Variants in GPATCH2 observed in about 807,000 individuals in gnomAD.
GPATCH2 encodes the protein G-patch domain containing 2, also known as G patch domain-containing protein 2.
A neutral mutation model predicts 58.0 loss-of-function variants in GPATCH2; 51 were observed. The ratio of observed to expected loss-of-function variants is 0.88; its 90% CI spans 0.70 to 1.11. The LOEUF is 1.11. Ranked by LOEUF, GPATCH2 falls within the 50% of genes most tolerant of loss-of-function variation. GPATCH2 has a pLI of 0.00. For missense variants in GPATCH2, 625 were observed against 652.2 expected (o/e 0.96, Z 0.45); for synonymous variants, 222 against 218.5 (o/e 1.02, Z -0.14).
At chr1:217,515,846 G>A in intron 5 of GPATCH2, among the ~76,000 whole-genome samples, 1 of 149,428 alleles carries the variant, frequency 6.7e-6, no homozygotes, top group East Asian at 2.0e-4. Context: ...TATTTCCGAG[G>A]ACCAATGTAT....
chr1:217,589,629 A>G (rs566338032), intron 5 of GPATCH2, among the ~76,000 whole-genome samples: 1 of 152,296 alleles, frequency 6.6e-6, no homozygotes, highest in Admixed American at 6.5e-5. Flanking sequence ...AATGGCTCCT[A>G]ACACATTGGA....
chr1:217,619,715 A>T, intron 2 of GPATCH2, 68 bp downstream of exon 2: 1 of 559,070 alleles, frequency 1.8e-6, no homozygotes, highest in Non-Finnish European at 3.0e-6. Flanking sequence ...GAATTAATTA[A>T]AATATAAAAC....
chr1:217,627,313 G>A (rs1426478589), intron 1 of GPATCH2, among the ~76,000 whole-genome samples: 1 of 151,954 alleles, frequency 6.6e-6, no homozygotes, highest in Non-Finnish European at 1.5e-5. Flanking sequence ...GGGTATTATA[G>A]TTAAAGGCCT....
At chr1:217,543,586 G>A (rs1303402340) in intron 5 of GPATCH2, among the ~76,000 whole-genome samples, 4 of 151,964 alleles carry the variant, frequency 2.6e-5, no homozygotes, top group Non-Finnish European at 4.4e-5. Flanking sequence ...TTTTAAATCT[G>A]CTCCATGCCT....
chr1:217,475,972 C>G (rs376883961), intron 8 of GPATCH2, among the ~76,000 whole-genome samples: 42 of 151,836 alleles, frequency 2.8e-4, no homozygotes, highest in Non-Finnish European at 1.3e-4. Flanking sequence ...AGAAAGCAAA[C>G]AGTCCAGAAC....
At chr1:217,458,192 T>C (rs1056167602) in intron 8 of GPATCH2, among the ~76,000 whole-genome samples, 1 of 152,190 alleles carries the variant, frequency 6.6e-6, no homozygotes, top group Non-Finnish European at 1.5e-5. Flanking sequence ...ATCGCGCCAC[T>C]GCACTCCTGC....
At chr1:217,552,897 G>A (rs1054553114) in intron 5 of GPATCH2, among the ~76,000 whole-genome samples, 1 of 152,108 alleles carries the variant, frequency 6.6e-6, no homozygotes, top group South Asian at 2.1e-4. Context: ...AAGTGAACCT[G>A]CATTTTGGAG....
At chr1:217,526,893 T>C (rs1393285137) in intron 5 of GPATCH2, among the ~76,000 whole-genome samples, 2 of 152,114 alleles carry the variant, frequency 1.3e-5, no homozygotes, top group Admixed American at 1.3e-4. Flanking sequence ...GTGATCCCAA[T>C]TGTGAATTGT....
chr1:217,529,246 C>A (rs1409288795), intron 5 of GPATCH2, among the ~76,000 whole-genome samples: 1 of 152,068 alleles, frequency 6.6e-6, no homozygotes, highest in African/African-American at 2.4e-5. Flanking sequence ...CACTTCCTGC[C>A]ATGGTTTGGA....
intron 8 of GPATCH2, among the ~76,000 whole-genome samples, chr1:217,454,294 A>C (rs1255950126): frequency 6.6e-6 from 1 of 152,150 alleles, no homozygotes; most frequent in Non-Finnish European, 1.5e-5. Context: ...ATTGAATTAA[A>C]TCCTTGTTTT....
chr1:217,510,623 T>A (rs1287370134), intron 6 of GPATCH2, among the ~76,000 whole-genome samples: 1 of 152,112 alleles, frequency 6.6e-6, no homozygotes, highest in African/African-American at 2.4e-5. Flanking sequence ...ATCACCATCT[T>A]TTAATTTTAT....
intron 5 of GPATCH2, among the ~76,000 whole-genome samples, chr1:217,547,451 C>T (rs940934096): frequency 2.6e-5 from 4 of 152,004 alleles, no homozygotes; most frequent in East Asian, 1.9e-4. Flanking sequence ...AACCATTGTG[C>T]GAGATAGTGT....
intron 5 of GPATCH2, among the ~76,000 whole-genome samples, chr1:217,578,488 G>A (rs1666912594): frequency 6.6e-6 from 1 of 152,148 alleles, no homozygotes; most frequent in Admixed American, 6.5e-5. Context: ...CTGGATTCAA[G>A]CAATTCTCCC....
chr1:217,469,451 T>C (rs778686872), intron 8 of GPATCH2, among the ~76,000 whole-genome samples: 1 of 152,016 alleles, frequency 6.6e-6, no homozygotes, highest in Non-Finnish European at 1.5e-5. Context: ...TAAGGAATGA[T>C]GAAAAACAAT....
intron 2 of GPATCH2, among the ~76,000 whole-genome samples, chr1:217,615,599 A>C (rs528617939): frequency 2.1e-4 from 32 of 152,126 alleles, no homozygotes; most frequent in Non-Finnish European, 4.4e-4. Flanking sequence ...GAAGGGTCTC[A>C]TATACACCTC....
At chr1:217,532,574 C>T (rs1263277612) in intron 5 of GPATCH2, among the ~76,000 whole-genome samples, 5 of 152,024 alleles carry the variant, frequency 3.3e-5, no homozygotes, top group Admixed American at 2.0e-4. Flanking sequence ...AACAAACAGA[C>T]AAGAACACTA....
In GPATCH2 at chr1:217,491,701, C is replaced by A; in HGVS notation, c.1256G>T (p.Cys419Phe). 4 of 1,519,962 alleles carry A rather than the reference C, an allele frequency of 2.6e-6. No individual in the cohort carries two copies. The highest frequency in any genetic ancestry group is 3.6e-6 in the Non-Finnish European group (4 of 1,104,780). 94.2% of individuals were successfully genotyped at this position (1,519,962 alleles called of 1,614,324 possible). ...TTACCTGCTGGCTGTTCTCACAGAA[C>A]AATTTTTCTTGTGTCCTCTTTCAGC... is the stretch of plus-strand genomic sequence containing the variant. ...NRAERGHKKN[C>F]SVRTASRQTS... is the part of the protein sequence containing the mutation. Residue 419 changes from cysteine (C) to phenylalanine (F), a missense_variant, in exon 8 of 10, where the codon TGT (cysteine) becomes TTT (phenylalanine). Physicochemically the swap from Cys to Phe is radical, Grantham distance 205. Transcript: ENST00000366935.
intron 8 of GPATCH2, among the ~76,000 whole-genome samples, chr1:217,474,412 G>A (rs1452543233): frequency 1.3e-5 from 2 of 152,146 alleles, no homozygotes; most frequent in African/African-American, 2.4e-5. Flanking sequence ...AAGTTAAAGA[G>A]CCTAGATGAA....
rs905108801 is a variant in GPATCH2 at position 217,431,075 on chromosome 1, G to C, written c.*70C>G. On this transcript the variant is annotated 3_prime_UTR_variant, in exon 10 of 10. Coordinates refer to ENST00000366935, the MANE Select transcript of GPATCH2 (RefSeq NM_018040.5). Reference sequence around the variant, plus strand: ...GTAGATTTTTGCTTCAAAAACAGAAGTCATGTTATCATTTTAGAACAATGG... The same window carrying C: ...GTAGATTTTTGCTTCAAAAACAGAACTCATGTTATCATTTTAGAACAATGG... 9.5e-6 allele frequency: 8 copies of C among 840,616 alleles called. No homozygotes were observed. Among genetic ancestry groups the C allele is most frequent in the Non-Finnish European group, 1.5e-5 (7 of 481,172 alleles). 52.1% of individuals were successfully genotyped at this position (840,616 alleles called of 1,614,324 possible).
Sources: gnomAD v4.1 joint callset for allele counts (sites outside exome capture counted in the v4.1 genomes callset) on GRCh38, gnomAD v4.1.1 for gene constraint, MANE v1.5 for transcripts, NCBI Gene and HGNC (gene_info 2026-07-23, HGNC 2026-07-21) for gene names.